Variants in SLC35F4 observed in about 807,000 individuals in gnomAD.
SLC35F4 encodes the protein solute carrier family 35 member F4, also known as chromosome 14 open reading frame 36.
In SLC35F4, 24 loss-of-function variants were observed where a neutral mutation model predicts 44.2. That is an observed-to-expected ratio of 0.54 (90% CI 0.39 to 0.76). The LOEUF is 0.76. Among genes scored for constraint, SLC35F4 ranks in the 30% least tolerant of loss-of-function variants. SLC35F4 has a pLI of 0.00. For synonymous variants in SLC35F4, 238 were observed against 223.6 expected (o/e 1.06, Z -0.57); for missense variants, 562 against 586.1 (o/e 0.96, Z 0.42).
At chr14:57,928,729 CA>C (rs1889632133) in intron 1 of SLC35F4, among the ~76,000 whole-genome samples, 1 of 152,240 alleles carries the variant, frequency 6.6e-6, no homozygotes, top group East Asian at 1.9e-4. Context: ...CAAAATGTGC[CA>C]AAACCAAGAT....
chr14:57,685,865 A>G (rs2075051496), intron 1 of SLC35F4, among the ~76,000 whole-genome samples: 1 of 152,194 alleles, frequency 6.6e-6, no homozygotes, highest in African/African-American at 2.4e-5. Context: ...ACTGCCCACC[A>G]GAAGTCTTTA....
At chr14:57,953,286 TAAATATGG>T (rs1333615593) in intron 1 of SLC35F4, among the ~76,000 whole-genome samples, 1 of 152,112 alleles carries the variant, frequency 6.6e-6, no homozygotes, top group Non-Finnish European at 1.5e-5. Flanking sequence ...AAAGAAGCAC[TAAATATGG>T]AAAGGAAAAA....
At chr14:57,878,827 A>G (rs535821001) in intron 1 of SLC35F4, among the ~76,000 whole-genome samples, 1 of 152,176 alleles carries the variant, frequency 6.6e-6, no homozygotes, top group African/African-American at 2.4e-5. Flanking sequence ...TTAGTTGATT[A>G]ATTCATTAAT....
At position 57,792,409 on chromosome 14, in the gene SLC35F4, G is replaced by C. The variant is rs147206416; in HGVS notation, c.103+73314C>G. On this transcript the variant is annotated intron_variant, in intron 1 of 7. Transcript: ENST00000556826. ...TTTGATCCATCAATCCCACTACTGG[G>C]TATCTACCCAGAGGAAAATAAGTCA... Among the ~76,000 whole-genome samples, 7 of 152,224 alleles carry C rather than the reference G, an allele frequency of 4.6e-5. No individual in the cohort carries two copies. In the East Asian group the frequency reaches 1.2e-3, roughly 25 times the overall value.
At chr14:57,864,880 T>C (rs1887985186) in intron 1 of SLC35F4, among the ~76,000 whole-genome samples, 1 of 152,166 alleles carries the variant, frequency 6.6e-6, no homozygotes, top group South Asian at 2.1e-4. Context: ...CAAATATAGC[T>C]AGTGGGTTTG....
intron 1 of SLC35F4, among the ~76,000 whole-genome samples, chr14:57,810,579 G>T (rs1403409569): frequency 1.3e-5 from 2 of 152,118 alleles, no homozygotes; most frequent in African/African-American, 2.4e-5. Context: ...TTTCACACAG[G>T]ATCAAGTGAG....
At chr14:57,857,005 G>A (rs1167860751) in intron 1 of SLC35F4, among the ~76,000 whole-genome samples, 1 of 152,042 alleles carries the variant, frequency 6.6e-6, no homozygotes, top group Non-Finnish European at 1.5e-5. Flanking sequence ...GCCGGGCACG[G>A]TGGCTCACGC....
upstream of SLC35F4, among the ~76,000 whole-genome samples, chr14:57,871,063 TG>T (rs764925458): frequency 5.9e-5 from 9 of 152,224 alleles, no homozygotes; most frequent in Non-Finnish European, 1.0e-4. Context: ...ACTCAGGTCC[TG>T]CTTGGTGAAG....
chr14:57,927,904 A>G (rs973015009), intron 1 of SLC35F4, among the ~76,000 whole-genome samples: 2 of 152,072 alleles, frequency 1.3e-5, no homozygotes, highest in Admixed American at 6.5e-5. Context: ...TTTTGATGTC[A>G]AGTTTCAGAA....
intron 1 of SLC35F4, among the ~76,000 whole-genome samples, chr14:57,776,245 ACTT>A (rs1360389552): frequency 6.6e-6 from 1 of 152,184 alleles, no homozygotes; most frequent in Non-Finnish European, 1.5e-5. Flanking sequence ...ATCCATGAAA[ACTT>A]CTCCAACCTA....
At chr14:57,666,967 T>A (rs991109796) in intron 1 of SLC35F4, among the ~76,000 whole-genome samples, 1 of 150,752 alleles carries the variant, frequency 6.6e-6, no homozygotes, top group African/African-American at 2.5e-5. Context: ...ATGCACGGAG[T>A]TCTCTGGGGC....
intron 5 of SLC35F4, 144 bp downstream of exon 5, chr14:57,571,750 A>ATTT (rs1566627169): frequency 8.3e-7 from 1 of 1,198,146 alleles, no homozygotes; most frequent in African/African-American, 1.6e-5. Context: ...GGTACCCATC[A>ATTT]CATAACAAGT....
chr14:57,587,975 C>T (rs2069887940), intron 3 of SLC35F4, among the ~76,000 whole-genome samples: 1 of 151,596 alleles, frequency 6.6e-6, no homozygotes, highest in Admixed American at 6.6e-5. Flanking sequence ...CACTTGAGGC[C>T]AGGAGTTGAA....
intron 5 of SLC35F4, among the ~76,000 whole-genome samples, chr14:57,570,674 A>C (rs1188357012): frequency 6.6e-6 from 1 of 152,162 alleles, no homozygotes; most frequent in African/African-American, 2.4e-5. Context: ...CTGTAACAAC[A>C]CAGAGTGAAG....
At chr14:57,900,679 T>C (rs999203414) in intron 1 of SLC35F4, among the ~76,000 whole-genome samples, 5 of 151,966 alleles carry the variant, frequency 3.3e-5, no homozygotes. Context: ...AATTGACAAA[T>C]AGGATCTAAT....
intron 1 of SLC35F4, among the ~76,000 whole-genome samples, chr14:57,600,709 A>AC (rs2070771972): frequency 6.8e-6 from 1 of 147,820 alleles, no homozygotes; most frequent in Admixed American, 6.8e-5. Flanking sequence ...AAAAAAAAAA[A>AC]AAAAAAAAAA....
At chr14:57,857,480 A>C (rs1045259577) in intron 1 of SLC35F4, among the ~76,000 whole-genome samples, 21 of 151,958 alleles carry the variant, frequency 1.4e-4, no homozygotes, top group Non-Finnish European at 2.4e-4. Context: ...TACTACCATC[A>C]TGTACTCTTT....
intron 1 of SLC35F4, among the ~76,000 whole-genome samples, chr14:57,907,939 C>T (rs570451913): frequency 6.6e-6 from 1 of 151,984 alleles, no homozygotes; most frequent in East Asian, 1.9e-4. Context: ...AAGTTCCCTC[C>T]CCTCACCCCC....
intron 1 of SLC35F4, among the ~76,000 whole-genome samples, chr14:57,771,477 C>T (rs1014133633): frequency 6.6e-6 from 1 of 152,176 alleles, no homozygotes; most frequent in Non-Finnish European, 1.5e-5. Flanking sequence ...TTTCTGTCAA[C>T]ATAAAAAAGA....
Sources: allele counts gnomAD v4.1 joint callset (sites outside exome capture counted in the v4.1 genomes callset), GRCh38; gene constraint gnomAD v4.1.1; transcripts MANE v1.5; gene names NCBI Gene and HGNC (gene_info 2026-07-23, HGNC 2026-07-21).